Variants in KCNH8 observed in about 807,000 individuals in gnomAD.
KCNH8 encodes voltage-gated delayed rectifier potassium channel KCNH8.
KCNH8 carries 70 observed loss-of-function variants against 103.6 expected under a neutral mutation model. The ratio of observed to expected loss-of-function variants is 0.68; its 90% CI spans 0.56 to 0.82. The LOEUF is 0.82. Among genes scored for constraint, KCNH8 ranks in the 40% least tolerant of loss-of-function variants. KCNH8 has a pLI of 0.00. For synonymous variants in KCNH8, 498 were observed against 489.4 expected (o/e 1.02, Z -0.23); for missense variants, 1,217 against 1,329.9 (o/e 0.92, Z 1.32).
At position 19,533,746 on chromosome 3, in the gene KCNH8, C is replaced by CTTGA; in HGVS notation, c.2974_2977dup (p.Tyr993Ter). 1 of 1,614,186 alleles carries CTTGA rather than the reference C, an allele frequency of 6.2e-7. No individual in the cohort carries two copies. Among genetic ancestry groups the CTTGA allele is most frequent in the Non-Finnish European group, 8.5e-7 (1 of 1,180,018 alleles). On this transcript the variant is annotated frameshift_variant, in exon 16 of 16. Transcript: ENST00000328405. LOFTEE classifies it high-confidence loss of function. The stretch of plus-strand genomic sequence containing the variant: ...CAGTGAACTTTATCATTCTCCAAGC[C>CTTGA]TTGATTATTCACCTTCCCACTACCA...
At chr3:19,468,326 G>A (rs1361051812) in intron 11 of KCNH8, among the ~76,000 whole-genome samples, 1 of 152,180 alleles carries the variant, frequency 6.6e-6, no homozygotes, top group African/African-American at 2.4e-5. Flanking sequence ...TGGAACTAAT[G>A]TTAAGTTTTA....
chr3:19,256,876 G>T lies in KCNH8; in HGVS notation c.310+2989G>T, dbSNP rs117594533. On this transcript the variant is annotated intron_variant, in intron 2 of 15. Transcript: ENST00000328405. The stretch of plus-strand genomic sequence containing the variant: ...AGAAAACTAATTGATCCAGTTACAA[G>T]ACTGAAAATTGCCATCTACCTTAGG... Among the ~76,000 whole-genome samples, 162 of 152,152 alleles carry T rather than the reference G, an allele frequency of 1.1e-3. No individual in the cohort carries two copies. In the East Asian group the frequency reaches 0.028, roughly 26 times the overall value.
Position 19,365,552 on chromosome 3 carries a change from A to G in KCNH8, c.811+17587A>G, listed in dbSNP as rs2066000300. ...GATTTTGATTTTTTGCCACTTAAATATAAAAATCGTAATGAACATCTCTAT... is the reference window on the plus strand; with the variant it reads ...GATTTTGATTTTTTGCCACTTAAATGTAAAAATCGTAATGAACATCTCTAT... On this transcript the variant is annotated intron_variant, in intron 5 of 15. Coordinates refer to ENST00000328405, the MANE Select transcript of KCNH8 (RefSeq NM_144633.3). 3.9e-5 allele frequency among the ~76,000 whole-genome samples: 6 copies of G among 152,088 alleles called. No individual in the cohort carries two copies. The South Asian group carries it at 1.2e-3, about 31-fold the overall frequency.
At chr3:19,186,133 G>A (rs2063500089) in intron 1 of KCNH8, among the ~76,000 whole-genome samples, 1 of 151,634 alleles carries the variant, frequency 6.6e-6, no homozygotes, top group Non-Finnish European at 1.5e-5. Context: ...GCTTCCACAG[G>A]AACTAGTTTA....
At chr3:19,317,853 A>G (rs2065294359) in intron 3 of KCNH8, among the ~76,000 whole-genome samples, 1 of 151,970 alleles carries the variant, frequency 6.6e-6, no homozygotes, top group African/African-American at 2.4e-5. Flanking sequence ...TATATGACAA[A>G]CCCACAATCA....
intron 7 of KCNH8, among the ~76,000 whole-genome samples, chr3:19,409,704 C>A (rs771795269): frequency 6.6e-6 from 1 of 152,000 alleles, no homozygotes; most frequent in South Asian, 2.1e-4. Flanking sequence ...AACAAAGAGT[C>A]GGAGTTACTA....
chr3:19,448,662 T>C (rs1043107933), intron 8 of KCNH8, among the ~76,000 whole-genome samples: 2 of 152,104 alleles, frequency 1.3e-5, no homozygotes, highest in African/African-American at 4.8e-5. Flanking sequence ...GTATCCATTA[T>C]GATGCTAAGA....
chr3:19,424,603 A>G (rs1457916513), intron 7 of KCNH8, among the ~76,000 whole-genome samples: 1 of 152,108 alleles, frequency 6.6e-6, no homozygotes, highest in Non-Finnish European at 1.5e-5. Context: ...AACAAAAAAT[A>G]AATAGATTAG....
rs146892139 is a variant in KCNH8 at position 19,220,635 on chromosome 3, A to G, written c.77-33019A>G. ...TCTTTCATGGATGGCAACATTATCC[A>G]TGACCAACCATAAAACAGGAATGGT... is the stretch of plus-strand genomic sequence containing the variant. On this transcript the variant is annotated intron_variant, in intron 1 of 15. Transcript: ENST00000328405. Among the ~76,000 whole-genome samples, 706 of 152,268 alleles carry G rather than the reference A, an allele frequency of 4.6e-3. 6 individuals are homozygous for G. The highest frequency in any genetic ancestry group is 0.016 in the African/African-American group (671 of 41,538).
At chr3:19,428,761 G>C (rs2067066862) in intron 7 of KCNH8, among the ~76,000 whole-genome samples, 1 of 152,136 alleles carries the variant, frequency 6.6e-6, no homozygotes. Flanking sequence ...AAAAAAGTGA[G>C]GCAACATAAT....
intron 7 of KCNH8, among the ~76,000 whole-genome samples, chr3:19,413,173 G>A (rs1286235972): frequency 1.3e-5 from 2 of 150,656 alleles, no homozygotes; most frequent in Non-Finnish European, 3.0e-5. Flanking sequence ...TAAGCACCAT[G>A]GAATATCACA....
chr3:19,246,255 A>G (rs2064202819), intron 1 of KCNH8, among the ~76,000 whole-genome samples: 1 of 150,196 alleles, frequency 6.7e-6, no homozygotes, highest in Admixed American at 6.6e-5. Context: ...TAACTTTAAG[A>G]AGTTTTTTTG....
intron 8 of KCNH8, among the ~76,000 whole-genome samples, chr3:19,441,416 T>C (rs2067282328): frequency 6.6e-6 from 1 of 152,212 alleles, no homozygotes; most frequent in Non-Finnish European, 1.5e-5. Flanking sequence ...AAATATTTAG[T>C]GTAATTTCTT....
chr3:19,389,392 C>T (rs567989403), intron 5 of KCNH8, among the ~76,000 whole-genome samples: 1 of 151,728 alleles, frequency 6.6e-6, no homozygotes, highest in Non-Finnish European at 1.5e-5. Context: ...GTAAAACGCT[C>T]GATAATATAT....
intron 11 of KCNH8, among the ~76,000 whole-genome samples, chr3:19,476,881 T>C (rs2067987845): frequency 6.6e-6 from 1 of 152,136 alleles, no homozygotes; most frequent in Non-Finnish European, 1.5e-5. Context: ...TTCAAAGCCT[T>C]GTAGTTTAGG....
intron 5 of KCNH8, among the ~76,000 whole-genome samples, chr3:19,378,409 A>G (rs1357956006): frequency 6.6e-6 from 1 of 152,194 alleles, no homozygotes; most frequent in African/African-American, 2.4e-5. Flanking sequence ...ACTTTTAGAT[A>G]GAAGGAAAGG....
At chr3:19,482,766 A>T (rs1401196873) in intron 11 of KCNH8, among the ~76,000 whole-genome samples, 1 of 152,192 alleles carries the variant, frequency 6.6e-6, no homozygotes, top group Non-Finnish European at 1.5e-5. Flanking sequence ...GTAGACAGCA[A>T]TTAGTAAGGT....
At chr3:19,438,639 A>G (rs2067235609) in intron 8 of KCNH8, among the ~76,000 whole-genome samples, 1 of 152,206 alleles carries the variant, frequency 6.6e-6, no homozygotes, top group Admixed American at 6.5e-5. Context: ...TACCTCATCC[A>G]GCTTACTGTT....
At chr3:19,249,527 T>C (rs748842508) in intron 1 of KCNH8, among the ~76,000 whole-genome samples, 1 of 152,208 alleles carries the variant, frequency 6.6e-6, no homozygotes, top group South Asian at 2.1e-4. Flanking sequence ...TAATCCTTAA[T>C]TGAAACACAC....
Sources: gnomAD v4.1 joint callset for allele counts (sites outside exome capture counted in the v4.1 genomes callset) on GRCh38, gnomAD v4.1.1 for gene constraint, MANE v1.5 for transcripts, NCBI Gene and HGNC (gene_info 2026-07-23, HGNC 2026-07-21) for gene names.